Variants in SPTLC2 observed in about 807,000 individuals in gnomAD.
SPTLC2 encodes serine palmitoyltransferase 2.
In SPTLC2, 21 loss-of-function variants were observed where a neutral mutation model predicts 62.0. The ratio of observed to expected loss-of-function variants is 0.34; its 90% CI spans 0.24 to 0.49. The LOEUF (loss-of-function observed/expected upper bound fraction) is 0.49, where lower values mean the gene tolerates loss of function less well. SPTLC2 is among the 20% of genes least tolerant of loss of function. SPTLC2 has a pLI of 0.99. For missense variants in SPTLC2, 511 were observed against 713.0 expected, an observed-to-expected ratio of 0.72 and a Z score of 3.23; for synonymous variants, 261 against 261.8, an observed-to-expected ratio of 1.00 and a Z score of 0.03.
At chr14:77,579,197 T>C in intron 2 of SPTLC2, 88 bp from the exon 3 acceptor site, 1 of 1,411,072 alleles carries the variant, frequency 7.1e-7, no homozygotes, top group Non-Finnish European at 9.8e-7. Context: ...TTTATTTATG[T>C]AAATTTATGG....
chr14:77,596,337 C>CA (rs147299483), intron 2 of SPTLC2, among the ~76,000 whole-genome samples: 1,370 of 125,900 alleles, frequency 0.011, 24 homozygotes, highest in African/African-American at 0.037. Context: ...AGACTTGTCT[C>CA]AAAAAAAAAA....
intron 1 of SPTLC2, among the ~76,000 whole-genome samples, chr14:77,605,007 G>A (rs1004951089): frequency 2.0e-5 from 3 of 151,820 alleles, no homozygotes; most frequent in Non-Finnish European, 4.4e-5. Context: ...TAAACATTTG[G>A]CCTATTTATT....
chr14:77,589,944 C>T (rs1402715017), intron 2 of SPTLC2, among the ~76,000 whole-genome samples: 4 of 149,830 alleles, frequency 2.7e-5, no homozygotes, highest in Non-Finnish European at 4.4e-5. Context: ...TGCGATTGCA[C>T]TCCAGCCTGG....
At chr14:77,574,840 G>C (rs1240650464) in intron 4 of SPTLC2, among the ~76,000 whole-genome samples, 1 of 132,108 alleles carries the variant, frequency 7.6e-6, no homozygotes, top group Admixed American at 7.4e-5. Context: ...AGGACTTGTA[G>C]GGGGAAGGGA....
At chr14:77,591,272 C>T (rs1490078366) in intron 2 of SPTLC2, among the ~76,000 whole-genome samples, 2 of 152,072 alleles carry the variant, frequency 1.3e-5, no homozygotes, top group African/African-American at 2.4e-5. Flanking sequence ...TGAAAAGTCC[C>T]GAATAGTAAA....
chr14:77,616,425 C>G, intron 1 of SPTLC2, 23 bp downstream of exon 1: 1 of 1,402,848 alleles, frequency 7.1e-7, no homozygotes, highest in Non-Finnish European at 9.3e-7. Context: ...CCACCCCGGC[C>G]CCGCCGCGCG....
chr14:77,582,085 C>T (rs555781722), intron 2 of SPTLC2, among the ~76,000 whole-genome samples: 178 of 151,456 alleles, frequency 1.2e-3, no homozygotes, highest in African/African-American at 4.0e-3. Context: ...CAGAGTCTCA[C>T]TCTGTCACCC....
chr14:77,542,260 AAGAT>A (rs1878720841), intron 9 of SPTLC2, among the ~76,000 whole-genome samples: 1 of 152,136 alleles, frequency 6.6e-6, no homozygotes, highest in African/African-American at 2.4e-5. Flanking sequence ...ATCTCACAGA[AAGAT>A]AAAGAATCTT....
At chr14:77,609,988 T>C (rs1444344938) in intron 1 of SPTLC2, among the ~76,000 whole-genome samples, 4 of 152,226 alleles carry the variant, frequency 2.6e-5, no homozygotes, top group African/African-American at 9.6e-5. Context: ...ATGCTAACTC[T>C]ATGTTTAACT....
chr14:77,583,033 C>CTACAAAAAA (rs1250017561), intron 2 of SPTLC2, among the ~76,000 whole-genome samples: 4 of 152,040 alleles, frequency 2.6e-5, no homozygotes. Flanking sequence ...AACTCTGTCA[C>CTACAAAAAA]TACAAAAAAT....
At chr14:77,564,708 A>G (rs1231206136) in intron 5 of SPTLC2, among the ~76,000 whole-genome samples, 1 of 152,146 alleles carries the variant, frequency 6.6e-6, no homozygotes, top group Admixed American at 6.5e-5. Flanking sequence ...TTAAAAAAAA[A>G]AAGTTATTAT....
intron 6 of SPTLC2, among the ~76,000 whole-genome samples, chr14:77,561,040 T>G (rs932754866): frequency 7.0e-6 from 1 of 143,724 alleles, no homozygotes; most frequent in Non-Finnish European, 1.5e-5. Context: ...AAAAAAAAAG[T>G]TCATATAATG....
rs2079325951 is a variant in SPTLC2, at chr14:77,510,321, A to G, written c.*1963T>C. ...AAACATAACTCATACTCAAGACATT[A>G]AAAACAAAACTTCACAAACAATAAT... On this transcript the variant is annotated 3_prime_UTR_variant, in exon 12 of 12. Coordinates refer to ENST00000216484, the MANE Select transcript of SPTLC2 (RefSeq NM_004863.4). 3 of 178,446 alleles carry G rather than the reference A, an allele frequency of 1.7e-5. No individual in the cohort carries two copies. The allele number at this position is 178,446 out of a possible 1,614,324, so 11.1% of individuals were successfully genotyped here.
chr14:77,524,864 G>A (rs1046137404), intron 9 of SPTLC2, among the ~76,000 whole-genome samples: 1 of 152,166 alleles, frequency 6.6e-6, no homozygotes, highest in African/African-American at 2.4e-5. Flanking sequence ...TAGGGAAAGG[G>A]GGATTGAAGA....
chr14:77,613,010 T>G, intron 1 of SPTLC2, among the ~76,000 whole-genome samples: 1 of 152,182 alleles, frequency 6.6e-6, no homozygotes, highest in East Asian at 1.9e-4. Context: ...TCAAAACTTC[T>G]ATAAAGAAAT....
At chr14:77,544,102 G>A (rs1043678235) in intron 9 of SPTLC2, among the ~76,000 whole-genome samples, 6 of 152,042 alleles carry the variant, frequency 3.9e-5, no homozygotes, top group African/African-American at 1.4e-4. Context: ...ATCATAGCTG[G>A]GTTTGTGCAA....
At chr14:77,536,075 G>A (rs1594976182) in intron 9 of SPTLC2, 1 of 393,798 alleles carries the variant, frequency 2.5e-6, no homozygotes, top group South Asian at 1.9e-5. Context: ...AAACTGTGGA[G>A]ACACAACTCA....
Position 77,509,260 on chromosome 14 carries a change from G to A in SPTLC2, c.*3024C>T, listed in dbSNP as rs1205994051. ...CTTATCCAAAGCAAAGCAAAAAGTT[G>A]AAAAAGTGCTATAAAGTCCATGCCC... On this transcript the variant is annotated 3_prime_UTR_variant, in exon 12 of 12. Transcript: ENST00000216484. The A allele has an allele frequency of 1.3e-5, 2 of 151,690 alleles. No homozygotes were observed. Among genetic ancestry groups the A allele is most frequent in the Non-Finnish European group, 2.9e-5 (2 of 67,924 alleles). 9.4% of individuals were successfully genotyped at this position (151,690 alleles called of 1,614,324 possible). A position where few individuals can be genotyped will look rare whatever the true frequency, so the allele number is the denominator to read the frequency against.
chr14:77,559,383 A>G (rs1339662195), intron 6 of SPTLC2, among the ~76,000 whole-genome samples: 6 of 152,146 alleles, frequency 3.9e-5, no homozygotes, highest in Non-Finnish European at 1.5e-5. Context: ...AAAAAAATTC[A>G]ATCTCTCCAA....
Sources: gnomAD v4.1 joint callset for allele counts (sites outside exome capture counted in the v4.1 genomes callset) on GRCh38, gnomAD v4.1.1 for gene constraint, MANE v1.5 for transcripts, NCBI Gene and HGNC (gene_info 2026-07-23, HGNC 2026-07-21) for gene names.